Variants in KCNC3 observed in about 807,000 individuals in gnomAD.
The protein encoded by KCNC3 is voltage-gated potassium channel KCNC3.
Under a neutral mutation model 43.9 loss-of-function variants are expected in KCNC3, and 22 were observed. The observed-to-expected ratio is 0.50, with a 90% CI of 0.36 to 0.72. The LOEUF (loss-of-function observed/expected upper bound fraction) is 0.72, where lower values mean the gene tolerates loss of function less well. Among genes scored for constraint, KCNC3 ranks in the 30% least tolerant of loss-of-function variants. The probability of loss-of-function intolerance (pLI) is 0.00; values close to 1 mark genes in which losing one functional copy is unlikely to be tolerated. For synonymous variants in KCNC3, 492 were observed against 488.0 expected (o/e 1.01, Z -0.11); for missense variants, 829 against 1,073.8 (o/e 0.77, Z 3.19).
intron 4 of KCNC3, among the ~76,000 whole-genome samples, chr19:50,317,955 A>G (rs1171056817): frequency 1.3e-5 from 2 of 151,820 alleles, no homozygotes; most frequent in Non-Finnish European, 2.9e-5. Flanking sequence ...ATGCACCACC[A>G]CACCTAAGTT....
chr19:50,315,519 A>G lies in KCNC3; in HGVS notation c.*596T>C, dbSNP rs12976992. 62,584 of 148,150 alleles carry G rather than the reference A, an allele frequency of 0.42. 13,664 individuals are homozygous for G. The highest frequency in any genetic ancestry group is 0.48 in the Non-Finnish European group (32,443 of 67,242). The allele number at this position is 148,150 out of a possible 1,614,324, so 9.2% of individuals were successfully genotyped here. ...GGGCAGGGAACGGTGCGGCCGCCGT[A>G]GCGGGGCTGGGGGCTGACCTAGTTG... On this transcript the variant is annotated 3_prime_UTR_variant, in exon 5 of 5. Coordinates refer to ENST00000477616, the MANE Select transcript of KCNC3 (RefSeq NM_004977.3).
chr19:50,329,028 G>C lies in KCNC3; in HGVS notation c.55C>G (p.Gln19Glu). The change falls in exon 1 of 5, where the codon CAG becomes GAG. Residue 19 changes from glutamine to glutamate, a missense_variant. By Grantham distance (29) the Gln-to-Glu change is conservative. This residue lies in a region of KCNC3 where 129 missense variants were observed against 83.6 expected (regional missense o/e 1.54). Coordinates refer to ENST00000477616, the MANE Select transcript of KCNC3 (RefSeq NM_004977.3). The stretch of plus-strand genomic sequence containing the variant: ...GGCTGCGGCGGTGGCGCCGGCTGCT[G>C]CTTGCTGGCCCCCTGGCGCCCGCGG... ...SFRGRQGASK[Q>E]QPAPPPQPPE... 7.4e-7 allele frequency: 1 copy of C among 1,344,904 alleles called. No individual in the cohort carries two copies. Among genetic ancestry groups the C allele is most frequent in the Non-Finnish European group, 9.6e-7 (1 of 1,044,164 alleles). 83.3% of individuals were successfully genotyped at this position (1,344,904 alleles called of 1,614,324 possible). A position where few individuals can be genotyped will look rare whatever the true frequency, so the allele number is the denominator to read the frequency against.
chr19:50,329,598 A>T (rs2037158689), upstream of KCNC3: 1 of 152,306 alleles, frequency 6.6e-6, no homozygotes, highest in African/African-American at 2.4e-5. Flanking sequence ...AACAAAACAG[A>T]TCGCACGCCC....
In KCNC3 at chr19:50,329,001, G is replaced by T. The variant is rs1380910766; in HGVS notation, c.82C>A (p.Pro28Thr). The T allele has an allele frequency of 1.6e-6, 2 of 1,247,224 alleles. No individual in the cohort carries two copies. Among genetic ancestry groups the T allele is most frequent in the East Asian group, 3.3e-5 (1 of 30,626 alleles). 77.3% of individuals were successfully genotyped at this position (1,247,224 alleles called of 1,614,324 possible). A position where few individuals can be genotyped will look rare whatever the true frequency, so the allele number is the denominator to read the frequency against. Residue 28 changes from proline to threonine, a missense_variant, in exon 1 of 5, where the codon CCC becomes ACC. By Grantham distance (38) the Pro-to-Thr change is conservative (BLOSUM62 -1). This residue lies in a region of KCNC3 where 129 missense variants were observed against 83.6 expected (regional missense o/e 1.54). Transcript: ENST00000477616. Reference sequence around the variant, plus strand: ...AGCGGTGGCGGCGGCGGGGACTCGGGCGGCTGCGGCGGTGGCGCCGGCTGC... The same window carrying T: ...AGCGGTGGCGGCGGCGGGGACTCGGTCGGCTGCGGCGGTGGCGCCGGCTGC... ...KQQPAPPPQP[P>T]ESPPPPPLPP...
intron 2 of KCNC3, among the ~76,000 whole-genome samples, chr19:50,322,620 C>A (rs547782377): frequency 6.6e-6 from 1 of 152,284 alleles, no homozygotes; most frequent in Admixed American, 6.5e-5. Context: ...TGCTACGTTC[C>A]CTGGGGTTCT....
chr19:50,320,747 A>C lies in KCNC3; in HGVS notation c.2016T>G (p.Leu672=). The change falls in exon 3 of 5, where the codon CTT becomes CTG. Residue 672 remains leucine, a synonymous_variant. Coordinates refer to ENST00000477616, the MANE Select transcript of KCNC3 (RefSeq NM_004977.3). The part of the protein sequence containing the change: ...RPNGDPAAAA[L]AHEDCPAIDQ... The stretch of plus-strand genomic sequence containing the variant: ...CAATGGCTGGGCAGTCCTCGTGGGC[A>C]AGCGCAGCTGCTGCCGGATCCCCAT... The C allele has an allele frequency of 6.2e-7, 1 of 1,613,938 alleles. No individual in the cohort carries two copies. Among genetic ancestry groups the C allele is most frequent in the Non-Finnish European group, 8.5e-7 (1 of 1,179,952 alleles).
At position 50,329,049 on chromosome 19, in the gene KCNC3, C is replaced by A. The variant is rs1326942763; in HGVS notation, c.34G>T (p.Gly12Trp). The A allele has an allele frequency of 8.3e-6, 11 of 1,327,902 alleles. No homozygotes were observed. The Admixed American group carries it at 2.5e-4, about 30-fold the overall frequency. The allele number at this position is 1,327,902 out of a possible 1,614,324, so 82.3% of individuals were successfully genotyped here. A position where few individuals can be genotyped will look rare whatever the true frequency, so the allele number is the denominator to read the frequency against. Residue 12 changes from glycine (G) to tryptophan (W), a missense_variant, in exon 1 of 5, where the codon GGG becomes TGG. Around this residue, in one of 7 missense-constraint regions of KCNC3, gnomAD observed 129 missense variants for 83.6 expected, o/e 1.54. Coordinates refer to ENST00000477616, the MANE Select transcript of KCNC3 (RefSeq NM_004977.3). ...LSSVCVSSFR[G>W]RQGASKQQPA... is the part of the protein sequence containing the mutation. Reference sequence around the variant, plus strand: ...TGCTGCTTGCTGGCCCCCTGGCGCCCGCGGAAGGACGAGACGCAGACTGAG... The same window carrying A: ...TGCTGCTTGCTGGCCCCCTGGCGCCAGCGGAAGGACGAGACGCAGACTGAG...
At chr19:50,317,573 G>A (rs932405861) in intron 4 of KCNC3, among the ~76,000 whole-genome samples, 7 of 152,002 alleles carry the variant, frequency 4.6e-5, no homozygotes, top group Admixed American at 3.9e-4. Context: ...CACCATGGCC[G>A]AAAATCCGTC....
intron 1 of KCNC3, among the ~76,000 whole-genome samples, chr19:50,327,190 A>G (rs1452108721): frequency 6.6e-6 from 1 of 152,050 alleles, no homozygotes; most frequent in Non-Finnish European, 1.5e-5. Flanking sequence ...GCGAGGATCT[A>G]TGGAGGAGGA....
chr19:50,314,862 T>G lies in KCNC3; in HGVS notation c.*1253A>C. 5 of 283,436 alleles carry G rather than the reference T, an allele frequency of 1.8e-5. No homozygotes were observed. Among genetic ancestry groups the G allele is most frequent in the Non-Finnish European group, 2.8e-5 (4 of 144,146 alleles). 17.6% of individuals were successfully genotyped at this position (283,436 alleles called of 1,614,324 possible). ...CAGGGGGGAGGGGAGCGCTAAAGGA[T>G]GGAGGGCAGGGTCGGGGGAGCGCGG... On this transcript the variant is annotated 3_prime_UTR_variant, in exon 5 of 5. Transcript: ENST00000477616.
At position 50,323,585 on chromosome 19, in the gene KCNC3, G is replaced by C. The variant is rs1425139375; in HGVS notation, c.1368C>G (p.Ala456=). The change falls in exon 2 of 5, where the codon GCC becomes GCG. Residue 456 remains alanine, a synonymous_variant. Coordinates refer to ENST00000477616, the MANE Select transcript of KCNC3 (RefSeq NM_004977.3). ...NEFLLLIIFL[A]LGVLIFATMI... ...TGGTGGCGAAGATGAGCACCCCCAG[G>C]GCCAGGAAGATGATGAGCAGCAGGA... 92 of 1,614,140 alleles carry C rather than the reference G, an allele frequency of 5.7e-5. No individual in the cohort carries two copies. The highest frequency in any genetic ancestry group is 7.6e-5 in the Non-Finnish European group (90 of 1,180,060).
Position 50,329,079 on chromosome 19 carries a change from G to GCATT in KCNC3, c.-1_3dup (p.Leu2AsnfsTer100). On this transcript the variant is annotated frameshift_variant, in exon 1 of 5. Coordinates refer to ENST00000477616, the MANE Select transcript of KCNC3 (RefSeq NM_004977.3). LOFTEE classifies it high-confidence loss of function. ...AAGGACGAGACGCAGACTGAGCTCAGCATTGGACGGGGGGCGGGGCGGGAG... is the reference window on the plus strand; with the variant it reads ...AAGGACGAGACGCAGACTGAGCTCAGCATTCATTGGACGGGGGGCGGGGCGGGAG... 1 of 1,032,996 alleles carries GCATT rather than the reference G, an allele frequency of 9.7e-7. No individual in the cohort carries two copies. Among genetic ancestry groups the GCATT allele is most frequent in the Non-Finnish European group, 1.3e-6 (1 of 780,692 alleles). 64.0% of individuals were successfully genotyped at this position (1,032,996 alleles called of 1,614,324 possible). A position where few individuals can be genotyped will look rare whatever the true frequency, so the allele number is the denominator to read the frequency against.
intron 4 of KCNC3, among the ~76,000 whole-genome samples, chr19:50,319,980 G>T (rs956768793): frequency 6.7e-6 from 1 of 150,268 alleles, no homozygotes; most frequent in African/African-American, 2.5e-5. Context: ...GGGGTCGGTC[G>T]TGAGGGCAGG....
chr19:50,313,096 T>A lies in KCNC3; in HGVS notation c.*3019A>T, dbSNP rs1298618678. ...TGGGACCCCGGCTCCAAAAGGGGGG[T>A]CCGCTAAAGAGTCTGGGACCGGTGT... On this transcript the variant is annotated 3_prime_UTR_variant, in exon 5 of 5. Transcript: ENST00000477616. 6.6e-6 allele frequency: 1 copy of A among 150,822 alleles called. No individual in the cohort carries two copies. Among genetic ancestry groups the A allele is most frequent in the Non-Finnish European group, 1.5e-5 (1 of 67,752 alleles). The allele number at this position is 150,822 out of a possible 1,614,324, so 9.3% of individuals were successfully genotyped here. A position where few individuals can be genotyped will look rare whatever the true frequency, so the allele number is the denominator to read the frequency against.
At chr19:50,329,915 G>A (rs937569988), upstream of KCNC3, 1 of 152,596 alleles carries the variant, frequency 6.6e-6, no homozygotes, top group African/African-American at 2.4e-5. Flanking sequence ...TGGGCCCGGA[G>A]AATGAGTGTC....
Position 50,328,235 on chromosome 19 carries a change from G to T in KCNC3, c.848C>A (p.Pro283His). Residue 283 changes from proline to histidine, a missense_variant, in exon 1 of 5, where the codon CCC becomes CAC. By Grantham distance (77) the Pro-to-His change is moderately conservative. Transcript: ENST00000477616. ...QPRVWALFED[P>H]YSSRAARYVA... ...CACCCTGGCAGCCCGCGACGAGTAG[G>T]GGTCCTCGAAGAGCGCCCACACGCG... The T allele has an allele frequency of 8.3e-7, 1 of 1,200,814 alleles. No homozygotes were observed. Among genetic ancestry groups the T allele is most frequent in the Non-Finnish European group, 1.0e-6 (1 of 968,254 alleles). 74.4% of individuals were successfully genotyped at this position (1,200,814 alleles called of 1,614,324 possible).
intron 4 of KCNC3, among the ~76,000 whole-genome samples, chr19:50,319,690 A>G (rs73062506): frequency 0.027 from 4,100 of 151,948 alleles, 105 homozygotes; most frequent in African/African-American, 0.067. Context: ...GCCTCAAACC[A>G]TGACTTTCTA....
chr19:50,315,918 G>A lies in KCNC3; in HGVS notation c.*197C>T. ...GAGCTCTGTGGCTTTTCCAGGCAAC[G>A]CTAAGGGAGCTGTCTGGACAAAAGG... On this transcript the variant is annotated 3_prime_UTR_variant, in exon 5 of 5. Transcript: ENST00000477616. The A allele has an allele frequency of 3.0e-6, 1 of 338,304 alleles. No individual in the cohort carries two copies. Among genetic ancestry groups the A allele is most frequent in the East Asian group, 4.6e-5 (1 of 21,862 alleles). 21.0% of individuals were successfully genotyped at this position (338,304 alleles called of 1,614,324 possible). A position where few individuals can be genotyped will look rare whatever the true frequency, so the allele number is the denominator to read the frequency against.
intron 4 of KCNC3, among the ~76,000 whole-genome samples, chr19:50,318,220 G>A (rs1421492003): frequency 6.6e-6 from 1 of 151,746 alleles, no homozygotes; most frequent in Non-Finnish European, 1.5e-5. Context: ...TGTAGCCCAG[G>A]CTGGAGTGCA....
Sources: gnomAD v4.1 joint callset for allele counts (sites outside exome capture counted in the v4.1 genomes callset) on GRCh38, gnomAD v4.1.1 for gene constraint, gnomAD v4.1.1 regional missense constraint, MANE v1.5 for transcripts, NCBI Gene and HGNC (gene_info 2026-07-23, HGNC 2026-07-21) for gene names.